PCDHA7: variants seen among roughly 807,000 people sequenced by gnomAD.
The protein encoded by PCDHA7 is protocadherin alpha-7.
A neutral mutation model predicts 57.2 loss-of-function variants in PCDHA7; 37 were observed. That is an observed-to-expected ratio of 0.65 (90% CI 0.50 to 0.85). The LOEUF (loss-of-function observed/expected upper bound fraction) is 0.85, where lower values mean the gene tolerates loss of function less well. Ranked by LOEUF, PCDHA7 falls within the 40% of genes least tolerant of loss-of-function variation. PCDHA7 has a pLI of 0.00. For missense variants in PCDHA7, 1,188 were observed against 1,241.8 expected (o/e 0.96, Z 0.65); for synonymous variants, 553 against 558.8 (o/e 0.99, Z 0.15).
At chr5:140,943,791 C>G (rs74565063) in intron 1 of PCDHA7, among the ~76,000 whole-genome samples, 2,339 of 152,200 alleles carry the variant, frequency 0.015, 18 homozygotes, top group Middle Eastern at 0.027. Flanking sequence ...GTCCTTTATG[C>G]AAAGCAAAAG....
chr5:140,850,362 C>T (rs199864758), intron 1 of PCDHA7: 1 of 1,597,838 alleles, frequency 6.3e-7, no homozygotes, highest in South Asian at 1.1e-5. Flanking sequence ...CATCCCGTTC[C>T]GCGTGGGGCT....
At chr5:141,005,594 C>T (rs534928198) in intron 3 of PCDHA7, among the ~76,000 whole-genome samples, 10 of 147,680 alleles carry the variant, frequency 6.8e-5, no homozygotes, top group African/African-American at 1.8e-4. Flanking sequence ...CCCAGCTACA[C>T]AGGAGGCTGA....
At chr5:140,856,152 A>T in intron 1 of PCDHA7, 1 of 1,598,182 alleles carries the variant, frequency 6.3e-7, no homozygotes, top group Non-Finnish European at 8.6e-7. Flanking sequence ...TACTCAGTCT[A>T]CGAGGAGGCC....
At chr5:140,838,112 G>C (rs950197929) in intron 1 of PCDHA7, among the ~76,000 whole-genome samples, 3 of 149,312 alleles carry the variant, frequency 2.0e-5, no homozygotes, top group Non-Finnish European at 4.5e-5. Context: ...GTGTGTGTGT[G>C]TGTGTGTGTG....
At chr5:140,842,578 G>T in intron 1 of PCDHA7, 2 of 1,515,278 alleles carry the variant, frequency 1.3e-6, no homozygotes, top group Non-Finnish European at 1.8e-6. Context: ...AGAGAGTGTC[G>T]GCCTATGAGT....
Position 140,850,196 on chromosome 5 carries a change from A to C in PCDHA7, c.2355+13458A>C, listed in dbSNP as rs1367952118. 5 of 1,592,830 alleles carry C rather than the reference A, an allele frequency of 3.1e-6. No homozygotes were observed. The Admixed American group carries it at 8.4e-5, about 27-fold the overall frequency. On this transcript the variant is annotated intron_variant, in intron 1 of 3. Transcript: ENST00000525929. ...ACGACAATGCGCCGGCGCTGCTGAC[A>C]CCTCGGATGAGGGGCACTGACGGCG...
intron 1 of PCDHA7, chr5:140,966,778 G>A: frequency 6.6e-7 from 1 of 1,512,496 alleles, no homozygotes; most frequent in Non-Finnish European, 8.8e-7. Flanking sequence ...TGGAGCAGGC[G>A]GGCACCAGAC....
intron 1 of PCDHA7, among the ~76,000 whole-genome samples, chr5:140,840,501 C>T (rs956640130): frequency 7.9e-5 from 12 of 151,956 alleles, no homozygotes; most frequent in African/African-American, 2.9e-4. Flanking sequence ...GGTAAATACT[C>T]ACTTTTTGGA....
intron 1 of PCDHA7, chr5:140,843,071 T>C (rs2150189286): frequency 2.5e-6 from 4 of 1,595,230 alleles, no homozygotes; most frequent in East Asian, 2.2e-5. Context: ...GGTGCCGCGG[T>C]CTGTGGGCGC....
intron 1 of PCDHA7, among the ~76,000 whole-genome samples, chr5:140,839,682 A>T (rs916562974): frequency 3.3e-5 from 5 of 152,030 alleles, no homozygotes; most frequent in African/African-American, 4.8e-5. Context: ...AACTACAGAG[A>T]TTTTTTTGGG....
intron 1 of PCDHA7, among the ~76,000 whole-genome samples, chr5:140,955,186 G>A (rs246020): frequency 0.56 from 85,667 of 151,968 alleles, 24,773 homozygotes; most frequent in African/African-American, 0.69. Flanking sequence ...GTTTTGTGGT[G>A]TATATGAAGT....
intron 1 of PCDHA7, chr5:140,859,420 CT>C (rs2045858037): frequency 8.6e-6 from 2 of 233,034 alleles, no homozygotes; most frequent in Non-Finnish European, 8.1e-6. Context: ...ATGATATAGA[CT>C]CAGAAATGAA....
chr5:140,882,392 G>T (rs781850899), intron 1 of PCDHA7: 5 of 1,614,058 alleles, frequency 3.1e-6, no homozygotes, highest in Middle Eastern at 1.6e-4. Flanking sequence ...AGCAAAACAC[G>T]GCACCTTCGT....
chr5:140,851,054 T>G, intron 1 of PCDHA7: 1 of 1,379,124 alleles, frequency 7.3e-7, no homozygotes, highest in Non-Finnish European at 9.5e-7. Context: ...GACTTTGTCT[T>G]GACTTCTAGT....
chr5:140,856,225 G>C (rs1554148421), intron 1 of PCDHA7: 1 of 1,598,066 alleles, frequency 6.3e-7, no homozygotes, highest in Admixed American at 1.7e-5. Context: ...CGGAGCTGGT[G>C]CAGCGCCTGT....
At chr5:140,927,142 G>T (rs781883795) in intron 1 of PCDHA7, 1 of 1,614,128 alleles carries the variant, frequency 6.2e-7, no homozygotes, top group South Asian at 1.1e-5. Context: ...GGCGGACCGC[G>T]AACAGCTGTG....
chr5:140,964,079 G>A (rs1209152794), intron 1 of PCDHA7, among the ~76,000 whole-genome samples: 3 of 152,178 alleles, frequency 2.0e-5, no homozygotes, highest in African/African-American at 7.2e-5. Flanking sequence ...GTTAATATTT[G>A]TAGAAAGGGT....
chr5:140,838,077 AGTGTGTGT>A (rs2150283763), intron 1 of PCDHA7, among the ~76,000 whole-genome samples: 8,999 of 80,104 alleles, frequency 0.11, 350 homozygotes, highest in Admixed American at 0.12. Context: ...ATATATATAT[AGTGTGTGT>A]GTGTGTGTGT....
chr5:140,860,512 T>A (rs1379513509), intron 1 of PCDHA7: 3 of 152,166 alleles, frequency 2.0e-5, no homozygotes, highest in African/African-American at 7.2e-5. Context: ...AAGATAAAAC[T>A]CTTCATGGAA....
Sources: allele counts gnomAD v4.1 joint callset (sites outside exome capture counted in the v4.1 genomes callset), GRCh38; gene constraint gnomAD v4.1.1; transcripts MANE v1.5; gene names NCBI Gene and HGNC (gene_info 2026-07-23, HGNC 2026-07-21).